Variants in CLASP1 observed in about 807,000 individuals in gnomAD.
The protein encoded by CLASP1 is CLIP-associating protein 1.
Under a neutral mutation model 192.3 loss-of-function variants are expected in CLASP1, and 38 were observed. The observed-to-expected ratio is 0.20, with a 90% CI of 0.15 to 0.26. CLASP1 has a LOEUF of 0.26. Among genes scored for constraint, CLASP1 ranks in the 10% least tolerant of loss-of-function variants. CLASP1 has a pLI of 1.00. For synonymous variants in CLASP1, 691 were observed against 712.8 expected, an observed-to-expected ratio of 0.97 and a Z score of 0.49; for missense variants, 1,433 against 1,932.5, an observed-to-expected ratio of 0.74 and a Z score of 4.85.
intron 8 of CLASP1, among the ~76,000 whole-genome samples, chr2:121,486,093 G>GA (rs2092954523): frequency 6.6e-6 from 1 of 152,118 alleles, no homozygotes; most frequent in Non-Finnish European, 1.5e-5. Context: ...GGCAAGGTAG[G>GA]AATGGCAAAG....
chr2:121,428,358 C>T (rs1280531213), intron 20 of CLASP1, among the ~76,000 whole-genome samples: 3 of 152,228 alleles, frequency 2.0e-5, no homozygotes, highest in Non-Finnish European at 4.4e-5. Flanking sequence ...CCTCAACCCC[C>T]ACAGAGGGAA....
chr2:121,418,491 G>T, intron 23 of CLASP1, 131 bp downstream of exon 23: 1 of 674,996 alleles, frequency 1.5e-6, no homozygotes, highest in Non-Finnish European at 2.6e-6. Context: ...GGTAACTAAG[G>T]AAGAGGAAAG....
intron 21 of CLASP1, 76 bp downstream of exon 21, chr2:121,427,328 T>C: frequency 1.3e-6 from 2 of 1,494,746 alleles, no homozygotes; most frequent in Non-Finnish European, 1.8e-6. Flanking sequence ...AAATTAATAT[T>C]GTGCAAGGAA....
intron 2 of CLASP1, among the ~76,000 whole-genome samples, chr2:121,564,173 A>G (rs1014916562): frequency 3.3e-5 from 5 of 152,236 alleles, no homozygotes; most frequent in African/African-American, 1.2e-4. Flanking sequence ...TTCATGAGGT[A>G]ATTATTCCAA....
At chr2:121,457,547 C>T (rs1332962005) in intron 14 of CLASP1, 140 bp downstream of exon 14, 2 of 642,020 alleles carry the variant, frequency 3.1e-6, no homozygotes, top group South Asian at 4.0e-5. Flanking sequence ...CTTGATTCTT[C>T]AACTCAAAGT....
chr2:121,364,255 G>C (rs1202221354), intron 36 of CLASP1: 4 of 152,468 alleles, frequency 2.6e-5, no homozygotes, highest in African/African-American at 9.6e-5. Context: ...CTGGCCCTGG[G>C]CATGGCCTGC....
intron 2 of CLASP1, among the ~76,000 whole-genome samples, chr2:121,594,036 C>T (rs567435471): frequency 1.3e-5 from 2 of 151,452 alleles, no homozygotes; most frequent in Non-Finnish European, 2.9e-5. Context: ...CGGTGGCTCA[C>T]GCCTGTAATC....
intron 1 of CLASP1, among the ~76,000 whole-genome samples, chr2:121,608,046 G>GGA (rs1390513727): frequency 6.6e-6 from 1 of 152,118 alleles, no homozygotes; most frequent in East Asian, 1.9e-4. Flanking sequence ...CTTATATTGA[G>GGA]GAGAGATCTG....
At chr2:121,612,438 G>C (rs1227084403) in intron 1 of CLASP1, among the ~76,000 whole-genome samples, 2 of 151,312 alleles carry the variant, frequency 1.3e-5, no homozygotes, top group Non-Finnish European at 2.9e-5. Flanking sequence ...AAGAGGAGGA[G>C]GACTTGGAGG....
At chr2:121,376,322 T>C (rs1396441223) in intron 34 of CLASP1, among the ~76,000 whole-genome samples, 1 of 152,146 alleles carries the variant, frequency 6.6e-6, no homozygotes, top group Admixed American at 6.5e-5. Context: ...GTGACATATA[T>C]ACACAATGGA....
intron 1 of CLASP1, among the ~76,000 whole-genome samples, chr2:121,645,150 TACC>T (rs1285202946): frequency 6.6e-6 from 1 of 152,202 alleles, no homozygotes; most frequent in Non-Finnish European, 1.5e-5. Context: ...TCTTCAACTG[TACC>T]CTCTTGGTAC....
At chr2:121,478,214 C>CA (rs1253436430) in intron 8 of CLASP1, among the ~76,000 whole-genome samples, 2 of 151,974 alleles carry the variant, frequency 1.3e-5, no homozygotes, top group Non-Finnish European at 2.9e-5. Context: ...TAATAAAAGA[C>CA]AAAAAACAAC....
rs551098682 is a variant in CLASP1 at position 121,631,178 on chromosome 2, A to G, written c.-286+18194T>C. ...CAGCTCAAAAAAAAAAAAAAAAAAA[A>G]AAAAGAAATGAGAAGAAAAGTGCTC... is the stretch of plus-strand genomic sequence containing the variant. On this transcript the variant is annotated intron_variant, in intron 1 of 39. Transcript: ENST00000263710. Among the ~76,000 whole-genome samples the G allele has an allele frequency of 3.2e-3, 480 of 150,604 alleles. 5 individuals are homozygous for G. Among genetic ancestry groups the G allele is most frequent in the African/African-American group, 0.011 (464 of 40,954 alleles).
At chr2:121,620,570 G>C (rs376409095) in intron 1 of CLASP1, among the ~76,000 whole-genome samples, 1 of 151,986 alleles carries the variant, frequency 6.6e-6, no homozygotes, top group Non-Finnish European at 1.5e-5. Flanking sequence ...GGATGGTCTC[G>C]ATCTATTGAC....
chr2:121,343,986 G>C (rs1398395329), intron 39 of CLASP1, among the ~76,000 whole-genome samples: 2 of 152,044 alleles, frequency 1.3e-5, no homozygotes, highest in Admixed American at 6.6e-5. Context: ...CAGGACAATC[G>C]TTTGAACCTG....
chr2:121,531,362 GA>G (rs2094867617), intron 2 of CLASP1, among the ~76,000 whole-genome samples: 1 of 152,164 alleles, frequency 6.6e-6, no homozygotes, highest in African/African-American at 2.4e-5. Context: ...TTGGGAGGCC[GA>G]GGGGGGCGGA....
chr2:121,546,725 A>G (rs1173599632), intron 2 of CLASP1, among the ~76,000 whole-genome samples: 1 of 152,186 alleles, frequency 6.6e-6, no homozygotes, highest in South Asian at 2.1e-4. Context: ...AGAGCCTTAG[A>G]TACCCAGGCT....
chr2:121,500,344 AAAAG>A (rs201022141), intron 8 of CLASP1, among the ~76,000 whole-genome samples: 29,966 of 118,958 alleles, frequency 0.25, 4,031 homozygotes, highest in Non-Finnish European at 0.31. Context: ...GAAAGAAAGA[AAAAG>A]AAAGAAAGAA....
chr2:121,462,619 T>A lies in CLASP1; in HGVS notation c.866-14A>T. On this transcript the variant is annotated splice_polypyrimidine_tract_variant and intron_variant, in intron 9 of 39. Transcript: ENST00000263710. ...CTTCTTTTGCAGCTGTAAAAAAGAA[T>A]TTTAAAAATGTAAACAATATGAAAC... The A allele has an allele frequency of 6.5e-7, 1 of 1,549,030 alleles. No individual in the cohort carries two copies. Among genetic ancestry groups the A allele is most frequent in the Non-Finnish European group, 8.9e-7 (1 of 1,127,374 alleles).
Sources: allele counts gnomAD v4.1 joint callset (sites outside exome capture counted in the v4.1 genomes callset), GRCh38; gene constraint gnomAD v4.1.1; transcripts MANE v1.5; gene names NCBI Gene and HGNC (gene_info 2026-07-23, HGNC 2026-07-21).